Variants in KLHDC10 observed in about 807,000 individuals in gnomAD.
The protein encoded by KLHDC10 is kelch domain containing 10.
A neutral mutation model predicts 56.1 loss-of-function variants in KLHDC10; 24 were observed. The ratio of observed to expected loss-of-function variants is 0.43; its 90% confidence interval spans 0.31 to 0.60. The LOEUF is 0.60. KLHDC10 is among the 20% of genes least tolerant of loss of function. The probability of loss-of-function intolerance (pLI) is 0.11; values close to 1 mark genes in which losing one functional copy is unlikely to be tolerated. For synonymous variants in KLHDC10, 188 were observed against 207.1 expected (o/e 0.91, Z 0.79); for missense variants, 349 against 567.0 (o/e 0.62, Z 3.91).
intron 2 of KLHDC10, among the ~76,000 whole-genome samples, chr7:130,115,462 T>C (rs1796154109): frequency 6.6e-6 from 1 of 152,008 alleles, no homozygotes; most frequent in Non-Finnish European, 1.5e-5. Context: ...GTACCTGTAA[T>C]CCCAGGATGT....
intron 1 of KLHDC10, among the ~76,000 whole-genome samples, chr7:130,076,733 T>C (rs1274833212): frequency 6.6e-6 from 1 of 152,168 alleles, no homozygotes; most frequent in Admixed American, 6.5e-5. Context: ...CCCTGCTGAT[T>C]GAAATGTTGT....
intron 8 of KLHDC10, among the ~76,000 whole-genome samples, chr7:130,128,889 A>AAAAAAAAAATATATATATATATATATAT: frequency 4.5e-5 from 3 of 66,952 alleles, no homozygotes; most frequent in Non-Finnish European, 8.3e-5. Context: ...AAAAAAAAAA[A>AAAAAAAAAATATATATATATATATATAT]ATATATATAT....
At chr7:130,129,832 G>A (rs1445681011) in intron 9 of KLHDC10, among the ~76,000 whole-genome samples, 4 of 152,114 alleles carry the variant, frequency 2.6e-5, no homozygotes, top group Admixed American at 6.5e-5. Context: ...GATGTCAAAG[G>A]TGTTTCCTGG....
chr7:130,128,438 A>G (rs1021151430), intron 8 of KLHDC10, among the ~76,000 whole-genome samples: 1 of 152,212 alleles, frequency 6.6e-6, no homozygotes, highest in Non-Finnish European at 1.5e-5. Context: ...CTAATTAGTT[A>G]TAACTAACTG....
chr7:130,131,739 C>T lies in KLHDC10; in HGVS notation c.*993C>T, dbSNP rs1422241794. On this transcript the variant is annotated 3_prime_UTR_variant, in exon 10 of 10. Coordinates refer to ENST00000335420, the MANE Select transcript of KLHDC10 (RefSeq NM_014997.4). Reference sequence around the variant, plus strand: ...TGGGCTTGTTAACTTGGCTTCCACTCGGGCTGTGGTCTTTGGCTATCATCT... The same window carrying T: ...TGGGCTTGTTAACTTGGCTTCCACTTGGGCTGTGGTCTTTGGCTATCATCT... The T allele has an allele frequency of 2.0e-5, 3 of 152,144 alleles. No homozygotes were observed. The highest frequency in any genetic ancestry group is 2.9e-5 in the Non-Finnish European group (2 of 68,020). The allele number at this position is 152,144 out of a possible 1,614,324, so 9.4% of individuals were successfully genotyped here.
rs1043445193 is a variant in KLHDC10 at position 130,130,367 on chromosome 7, G to A, written c.1120-170G>A. Reference sequence around the variant, plus strand: ...ATATATATATATAGTTTTTCCCTTAGTAATTCATTAATTATTTAAACCCTC... The same window carrying A: ...ATATATATATATAGTTTTTCCCTTAATAATTCATTAATTATTTAAACCCTC... On this transcript the variant is annotated intron_variant, in intron 9 of 9. Coordinates refer to ENST00000335420, the MANE Select transcript of KLHDC10 (RefSeq NM_014997.4). This position sits in a 1 kb window ranked among gnomAD's most constrained non-coding sequence, Gnocchi z 4.2. 1.4e-5 allele frequency among the ~76,000 whole-genome samples: 2 copies of A among 144,014 alleles called. No homozygotes were observed. The highest frequency in any genetic ancestry group is 5.5e-5 in the African/African-American group (2 of 36,402). 94.5% of individuals were successfully genotyped at this position (144,014 alleles called of 152,430 possible).
At chr7:130,080,153 G>T (rs1318175964) in intron 1 of KLHDC10, among the ~76,000 whole-genome samples, 1 of 152,018 alleles carries the variant, frequency 6.6e-6, no homozygotes, top group Non-Finnish European at 1.5e-5. Context: ...TGTTGCCTAG[G>T]CTGGTTGCAA....
chr7:130,117,761 G>C (rs1305785456), intron 3 of KLHDC10: 1 of 149,844 alleles, frequency 6.7e-6, no homozygotes, highest in African/African-American at 2.5e-5. Context: ...TGAGGTGGGA[G>C]AATGGCTGGA....
chr7:130,123,805 A>G (rs1796281318), intron 5 of KLHDC10, among the ~76,000 whole-genome samples: 1 of 152,196 alleles, frequency 6.6e-6, no homozygotes, highest in Non-Finnish European at 1.5e-5. Context: ...GCATTTTCAC[A>G]TGGTTGCTTT....
intron 2 of KLHDC10, among the ~76,000 whole-genome samples, chr7:130,108,300 C>G (rs1374755192): frequency 6.6e-6 from 1 of 151,946 alleles, no homozygotes; most frequent in South Asian, 2.1e-4. Flanking sequence ...GATTATGTTC[C>G]TTAATGGGTT....
At chr7:130,092,115 CATTAATTTA>C (rs1446211370) in intron 1 of KLHDC10, among the ~76,000 whole-genome samples, 1 of 152,218 alleles carries the variant, frequency 6.6e-6, no homozygotes, top group Admixed American at 6.5e-5. Context: ...CTCTCAATTT[CATTAATTTA>C]ATCTGTATGT....
At chr7:130,127,342 T>TA (rs1234457034) in intron 7 of KLHDC10, 62 bp from the exon 8 acceptor site, 1 of 1,313,868 alleles carries the variant, frequency 7.6e-7, no homozygotes, top group African/African-American at 1.4e-5. Flanking sequence ...CACTGTGTTA[T>TA]ATCAGTGTGG....
rs1344177884 is a variant in KLHDC10, at chr7:130,116,063, G to A, written c.254-382G>A. Among the ~76,000 whole-genome samples, 1 of 152,046 alleles carries A rather than the reference G, an allele frequency of 6.6e-6. No individual in the cohort carries two copies. The highest frequency in any genetic ancestry group is 1.5e-5 in the Non-Finnish European group (1 of 68,002). On this transcript the variant is annotated intron_variant, in intron 2 of 9. Coordinates refer to ENST00000335420, the MANE Select transcript of KLHDC10 (RefSeq NM_014997.4). This position sits in a 1 kb window ranked among gnomAD's most constrained non-coding sequence, Gnocchi z 4.8. ...ATTCACAGTTTAATTTAGTTGGCCT[G>A]TGTTTTTTTCTCCTCTAAGGAAATA... is the stretch of plus-strand genomic sequence containing the variant.
intron 2 of KLHDC10, among the ~76,000 whole-genome samples, chr7:130,112,539 G>T (rs58350153): frequency 0.13 from 20,374 of 152,164 alleles, 1,563 homozygotes; most frequent in East Asian, 0.31. Context: ...AGATGGAGAA[G>T]TTGGGGGAGG....
intron 1 of KLHDC10, among the ~76,000 whole-genome samples, chr7:130,077,104 C>T (rs1795515145): frequency 1.3e-5 from 2 of 151,842 alleles, no homozygotes; most frequent in African/African-American, 4.8e-5. Flanking sequence ...CCTTTAATCC[C>T]AACACTTTGG....
chr7:130,099,723 A>G (rs979786440), intron 2 of KLHDC10, among the ~76,000 whole-genome samples: 3 of 152,268 alleles, frequency 2.0e-5, no homozygotes, highest in South Asian at 4.1e-4. Flanking sequence ...TCAAGTGGGC[A>G]CCACCCAAGT....
chr7:130,121,986 C>G, intron 4 of KLHDC10, 68 bp from the exon 5 acceptor site: 4 of 1,378,328 alleles, frequency 2.9e-6, no homozygotes, highest in Non-Finnish European at 3.9e-6. Context: ...TTGGAGGTAT[C>G]TGGTAAGTTT....
rs193131600 is a variant in KLHDC10 at position 130,134,104 on chromosome 7, C to A, written c.*3358C>A. The stretch of plus-strand genomic sequence containing the variant: ...AGAGTAAAGCACAGATCATTGAAAT[C>A]CATAGATAATCAGTGAATCAACTTT... On this transcript the variant is annotated 3_prime_UTR_variant, in exon 10 of 10. Transcript: ENST00000335420. 3 of 152,320 alleles carry A rather than the reference C, an allele frequency of 2.0e-5. No individual in the cohort carries two copies. Among genetic ancestry groups the A allele is most frequent in the Admixed American group, 1.3e-4 (2 of 15,296 alleles). The allele number at this position is 152,320 out of a possible 1,614,324, so 9.4% of individuals were successfully genotyped here.
intron 1 of KLHDC10, among the ~76,000 whole-genome samples, chr7:130,086,060 A>G (rs1584621309): frequency 6.6e-6 from 1 of 152,134 alleles, no homozygotes; most frequent in East Asian, 1.9e-4. Flanking sequence ...CCTAATTTTT[A>G]TTAGCCTGTA....
Sources: gnomAD v4.1 joint callset for allele counts (sites outside exome capture counted in the v4.1 genomes callset) on GRCh38, gnomAD v4.1.1 for gene constraint, Gnocchi (gnomAD v3.1) non-coding constraint, MANE v1.5 for transcripts, NCBI Gene and HGNC (gene_info 2026-07-23, HGNC 2026-07-21) for gene names.